OSBPL9: variants seen among roughly 807,000 people sequenced by gnomAD.
OSBPL9 encodes oxysterol-binding protein-related protein 9.
OSBPL9 carries 40 observed loss-of-function variants against 106.6 expected under a neutral mutation model. The observed-to-expected ratio is 0.38, with a 90% CI of 0.29 to 0.49. The LOEUF (loss-of-function observed/expected upper bound fraction) is 0.49, where lower values mean the gene tolerates loss of function less well. Ranked by LOEUF, OSBPL9 falls within the 20% of genes least tolerant of loss-of-function variation. The probability of loss-of-function intolerance (pLI) is 0.97; values close to 1 mark genes in which losing one functional copy is unlikely to be tolerated. For missense variants in OSBPL9, 609 were observed against 887.2 expected, an observed-to-expected ratio of 0.69 and a Z score of 3.98; for synonymous variants, 269 against 295.4, an observed-to-expected ratio of 0.91 and a Z score of 0.92.
intron 3 of OSBPL9, among the ~76,000 whole-genome samples, chr1:51,702,194 C>T (rs1013462682): frequency 6.6e-5 from 10 of 152,286 alleles, no homozygotes; most frequent in African/African-American, 2.4e-4. Flanking sequence ...AATGGTATTT[C>T]TAGTTCTAGA....
At position 51,701,985 on chromosome 1, in the gene OSBPL9, T is replaced by C. The variant is rs1169932681; in HGVS notation, c.242-12018T>C. On this transcript the variant is annotated intron_variant, in intron 3 of 23. Coordinates refer to ENST00000428468, the MANE Select transcript of OSBPL9 (RefSeq NM_024586.6). Reference sequence around the variant, plus strand: ...CTACAAAGGACATGAACTCATCATTTTTTATGGCTGCATAGTATTCCATGG... The same window carrying C: ...CTACAAAGGACATGAACTCATCATTCTTTATGGCTGCATAGTATTCCATGG... 5.9e-5 allele frequency among the ~76,000 whole-genome samples: 9 copies of C among 152,358 alleles called. No individual in the cohort carries two copies. In the East Asian group the frequency reaches 1.2e-3, roughly 20 times the overall value.
In OSBPL9 at chr1:51,772,660, G is replaced by A; in HGVS notation, c.1107G>A (p.Glu369=). The A allele has an allele frequency of 6.2e-7, 1 of 1,614,194 alleles. No homozygotes were observed. The change falls in exon 14 of 24, where the codon GAG becomes GAA. Residue 369 remains glutamate, a synonymous_variant. Transcript: ENST00000428468. Reference sequence around the variant, plus strand: ...ATGATGCGGAGGCAGGGTCTGTGGAGGAGCACAAGAGCGTTATCATGCATC... The same window carrying A: ...ATGATGCGGAGGCAGGGTCTGTGGAAGAGCACAAGAGCGTTATCATGCATC... ...RDDDAEAGSV[E]EHKSVIMHLL...
chr1:51,586,719 CT>C (rs1645249858), intron 1 of OSBPL9, among the ~76,000 whole-genome samples: 1 of 152,170 alleles, frequency 6.6e-6, no homozygotes, highest in Non-Finnish European at 1.5e-5. Flanking sequence ...GCAGCAGAGG[CT>C]AATGTTTTGC....
chr1:51,761,258 T>G (rs1671428189), intron 10 of OSBPL9, among the ~76,000 whole-genome samples: 2 of 141,944 alleles, frequency 1.4e-5, no homozygotes, highest in African/African-American at 2.8e-5. Context: ...TTGTTTTGTT[T>G]TTTTTTTTTT....
At chr1:51,674,756 C>A (rs1650764260) in intron 3 of OSBPL9, among the ~76,000 whole-genome samples, 2 of 152,190 alleles carry the variant, frequency 1.3e-5, no homozygotes, top group Admixed American at 1.3e-4. Flanking sequence ...TACACAAATA[C>A]TTACCATTGT....
At chr1:51,653,709 T>A (rs1257400499) in intron 2 of OSBPL9, among the ~76,000 whole-genome samples, 1 of 152,224 alleles carries the variant, frequency 6.6e-6, no homozygotes, top group Non-Finnish European at 1.5e-5. Context: ...TGTTGAAGAA[T>A]CTGGACCGGC....
In OSBPL9 at chr1:51,590,639, A is replaced by G. The variant is rs940059496; in HGVS notation, c.-422-7485A>G. On this transcript the variant is annotated intron_variant, in intron 1 of 25. Transcript: ENST00000371714. Reference sequence around the variant, plus strand: ...CGTCTCAAAAAAAAAAAAAAAAGAAAAAAAAGAAAAAAAAAGTCACGTTTA... The same window carrying G: ...CGTCTCAAAAAAAAAAAAAAAAGAAGAAAAAGAAAAAAAAAGTCACGTTTA... Among the ~76,000 whole-genome samples, 326 of 151,794 alleles carry G rather than the reference A, an allele frequency of 2.1e-3. 1 individual carries two copies. The highest frequency in any genetic ancestry group is 7.6e-3 in the African/African-American group (316 of 41,410).
At chr1:51,692,355 A>G (rs1256266743) in intron 3 of OSBPL9, among the ~76,000 whole-genome samples, 1 of 152,206 alleles carries the variant, frequency 6.6e-6, no homozygotes, top group Non-Finnish European at 1.5e-5. Flanking sequence ...AAAGTATAGT[A>G]TAGTAAATAC....
At chr1:51,667,591 A>G (rs568349163) in intron 2 of OSBPL9, among the ~76,000 whole-genome samples, 1 of 152,362 alleles carries the variant, frequency 6.6e-6, no homozygotes, top group East Asian at 1.9e-4. Context: ...TGTACTGGAT[A>G]TAAGTGCCTT....
At chr1:51,651,117 A>G (rs904228100) in intron 1 of OSBPL9, among the ~76,000 whole-genome samples, 111 of 152,300 alleles carry the variant, frequency 7.3e-4, no homozygotes, top group African/African-American at 2.6e-3. Flanking sequence ...CCAGGGTGGA[A>G]ATCTAAATCA....
chr1:51,583,790 A>G (rs1196387544), intron 1 of OSBPL9: 1 of 152,136 alleles, frequency 6.6e-6, no homozygotes, highest in Non-Finnish European at 1.5e-5. Flanking sequence ...TTTGTCTCAG[A>G]ACGTCTCTTT....
intron 2 of OSBPL9, among the ~76,000 whole-genome samples, chr1:51,602,408 AT>A (rs1401281572): frequency 9.0e-5 from 12 of 132,784 alleles, no homozygotes; most frequent in African/African-American, 2.9e-4. Context: ...TTCATGAAAC[AT>A]TTTTTTTTAA....
At chr1:51,720,412 G>T (rs1173554694) in intron 4 of OSBPL9, among the ~76,000 whole-genome samples, 1 of 146,718 alleles carries the variant, frequency 6.8e-6, no homozygotes, top group Non-Finnish European at 1.5e-5. Context: ...TGCAACCTCC[G>T]CCTCCCAGGT....
intron 7 of OSBPL9, chr1:51,749,501 G>T: frequency 2.3e-6 from 1 of 432,074 alleles, no homozygotes; most frequent in Non-Finnish European, 4.7e-6. Flanking sequence ...ATTTTTTATA[G>T]AGATGGGATT....
Position 51,631,938 on chromosome 1 carries a change from A to G in OSBPL9, c.111+14717A>G, listed in dbSNP as rs144088212. On this transcript the variant is annotated intron_variant, in intron 1 of 23. Coordinates refer to ENST00000428468, the MANE Select transcript of OSBPL9 (RefSeq NM_024586.6). ...TAGCAGAGGTCTACATAGGCTCAGT[A>G]TCATCAGTATCACTGTCTTCCACCT... Among the ~76,000 whole-genome samples the G allele has an allele frequency of 5.0e-3, 759 of 152,320 alleles. 4 individuals carry two copies. The highest frequency in any genetic ancestry group is 0.017 in the African/African-American group (723 of 41,568).
intron 5 of OSBPL9, 98 bp downstream of exon 5, chr1:51,745,729 C>T: frequency 7.5e-7 from 1 of 1,342,276 alleles, no homozygotes; most frequent in Admixed American, 3.4e-5. Flanking sequence ...ATTTACAGCC[C>T]TCATGTGGTT....
Position 51,750,609 on chromosome 1 carries a change from A to G in OSBPL9, c.543+414A>G, listed in dbSNP as rs1669027734. Among the ~76,000 whole-genome samples the G allele has an allele frequency of 2.6e-5, 4 of 152,240 alleles. No individual in the cohort carries two copies. The South Asian group carries it at 6.2e-4, about 24-fold the overall frequency. On this transcript the variant is annotated intron_variant, in intron 8 of 23. Coordinates refer to ENST00000428468, the MANE Select transcript of OSBPL9 (RefSeq NM_024586.6). ...TTTACGGATTTTTTTCTGGTAGTGA[A>G]CTACGTTAGTGGATTTTAATTATTC...
intron 23 of OSBPL9, 85 bp from the exon 24 acceptor site, chr1:51,787,630 G>C: frequency 6.3e-7 from 1 of 1,587,324 alleles, no homozygotes; most frequent in South Asian, 1.1e-5. Flanking sequence ...TCTAATGGCG[G>C]GGTGGGGAGC....
the OSBPL9 span, among the ~76,000 whole-genome samples, chr1:51,566,750 C>T: frequency 1.3e-5 from 2 of 152,184 alleles, no homozygotes; most frequent in Non-Finnish European, 2.9e-5. Context: ...TCTCCCTAGC[C>T]TTCATCCTTC....
Sources: gnomAD v4.1 joint callset for allele counts (sites outside exome capture counted in the v4.1 genomes callset) on GRCh38, gnomAD v4.1.1 for gene constraint, MANE v1.5 for transcripts, NCBI Gene and HGNC (gene_info 2026-07-23, HGNC 2026-07-21) for gene names.